CSMD3: variants seen among roughly 807,000 people sequenced by gnomAD.
CSMD3 encodes CUB and Sushi multiple domains 3.
CSMD3 carries 177 observed loss-of-function variants against 435.2 expected under a neutral mutation model. The observed-to-expected ratio is 0.41, with a 90% CI of 0.36 to 0.46. The LOEUF is 0.46. CSMD3 is among the 20% of genes least tolerant of loss of function. The pLI, the probability that CSMD3 is intolerant of heterozygous loss-of-function variation, is 0.34. For synonymous variants in CSMD3, 1,656 were observed against 1,520.5 expected, an observed-to-expected ratio of 1.09 and a Z score of -2.07; for missense variants, 4,265 against 4,504.6, an observed-to-expected ratio of 0.95 and a Z score of 1.52.
chr8:112,413,962 G>A (rs1811630012), intron 32 of CSMD3, among the ~76,000 whole-genome samples: 1 of 151,996 alleles, frequency 6.6e-6, no homozygotes, highest in Non-Finnish European at 1.5e-5. Context: ...CATCCCCCAG[G>A]TGATATCTGT....
Position 112,296,008 on chromosome 8 carries a change from T to C in CSMD3, c.8441-2A>G. 1 of 1,607,854 alleles carries C rather than the reference T, an allele frequency of 6.2e-7. No individual in the cohort carries two copies. The highest frequency in any genetic ancestry group is 8.5e-7 in the Non-Finnish European group (1 of 1,174,626). On this transcript the variant is annotated splice_acceptor_variant, in intron 53 of 70. Transcript: ENST00000297405. LOFTEE classifies it high-confidence loss of function. ...GTTCTGGAATTCCACAATGACCCGC[T>C]GAAATACGTTATAAAGTAATATTTT...
intron 23 of CSMD3, among the ~76,000 whole-genome samples, chr8:112,581,492 G>A (rs1166345038): frequency 6.6e-6 from 1 of 151,884 alleles, no homozygotes; most frequent in Non-Finnish European, 1.5e-5. Flanking sequence ...AAGTAACTAT[G>A]TTTTATAAAA....
At chr8:113,414,695 T>C (rs1280393995) in intron 1 of CSMD3, among the ~76,000 whole-genome samples, 1 of 145,860 alleles carries the variant, frequency 6.9e-6, no homozygotes, top group African/African-American at 2.5e-5. Context: ...GCACAGTGGC[T>C]CATGCCTGTA....
intron 3 of CSMD3, among the ~76,000 whole-genome samples, chr8:113,251,596 G>T (rs1261934809): frequency 6.6e-6 from 1 of 151,858 alleles, no homozygotes; most frequent in Admixed American, 6.6e-5. Flanking sequence ...TTGTTTAGCT[G>T]TAAGTTAAAA....
At chr8:112,727,640 A>T (rs1273247335) in intron 13 of CSMD3, among the ~76,000 whole-genome samples, 1 of 151,788 alleles carries the variant, frequency 6.6e-6, no homozygotes, top group African/African-American at 2.4e-5. Context: ...ATAAAATCAA[A>T]ACTTAATATT....
intron 61 of CSMD3, among the ~76,000 whole-genome samples, chr8:112,261,896 CT>C: frequency 6.6e-6 from 1 of 150,470 alleles, no homozygotes; most frequent in Non-Finnish European, 1.5e-5. Context: ...CTTGTATTGC[CT>C]TTTTTATTTT....
At chr8:112,386,575 G>A (rs1829977131) in intron 36 of CSMD3, among the ~76,000 whole-genome samples, 1 of 152,012 alleles carries the variant, frequency 6.6e-6, no homozygotes, top group Non-Finnish European at 1.5e-5. Flanking sequence ...TTAGCTCACT[G>A]CAACCTCTGC....
intron 1 of CSMD3, among the ~76,000 whole-genome samples, chr8:113,395,846 A>C: frequency 6.6e-6 from 1 of 152,250 alleles, no homozygotes; most frequent in African/African-American, 2.4e-5. Context: ...ACCTTAAATT[A>C]GTAATTATTT....
At chr8:112,830,870 T>C (rs2079850755) in intron 11 of CSMD3, among the ~76,000 whole-genome samples, 1 of 150,954 alleles carries the variant, frequency 6.6e-6, no homozygotes, top group Non-Finnish European at 1.5e-5. Flanking sequence ...CACTGCCAGC[T>C]CCGCCTCCTG....
intron 11 of CSMD3, among the ~76,000 whole-genome samples, chr8:112,851,109 A>G (rs1290223288): frequency 3.3e-5 from 5 of 152,142 alleles, no homozygotes; most frequent in Non-Finnish European, 7.3e-5. Context: ...ATGCTTAACA[A>G]CCAGCTTGTT....
At chr8:113,388,609 T>C (rs1320445861) in intron 1 of CSMD3, among the ~76,000 whole-genome samples, 1 of 151,538 alleles carries the variant, frequency 6.6e-6, no homozygotes, top group Non-Finnish European at 1.5e-5. Context: ...GTAGTTATAT[T>C]GAACTGAATA....
chr8:112,666,144 G>T, intron 17 of CSMD3, 133 bp downstream of exon 17: 1 of 757,680 alleles, frequency 1.3e-6, no homozygotes, highest in Non-Finnish European at 2.3e-6. Flanking sequence ...GGGGCAAACA[G>T]ATGGAAGCAT....
At chr8:112,958,746 A>G (rs943795287) in intron 7 of CSMD3, among the ~76,000 whole-genome samples, 1 of 152,174 alleles carries the variant, frequency 6.6e-6, no homozygotes, top group South Asian at 2.1e-4. Flanking sequence ...TGTTTCCAAT[A>G]TCAACTTTTT....
intron 32 of CSMD3, among the ~76,000 whole-genome samples, chr8:112,442,717 T>A (rs1324124159): frequency 6.6e-6 from 1 of 152,146 alleles, no homozygotes; most frequent in Non-Finnish European, 1.5e-5. Flanking sequence ...GACTCAGCTC[T>A]CATCAAAAAA....
chr8:112,686,486 A>ATTTT (rs763068444), intron 14 of CSMD3, among the ~76,000 whole-genome samples: 2 of 141,548 alleles, frequency 1.4e-5, no homozygotes, highest in Non-Finnish European at 1.5e-5. Flanking sequence ...TTTTCATTAC[A>ATTTT]TTTTTTTTTT....
At chr8:112,485,208 G>C (rs1030510138) in intron 31 of CSMD3, among the ~76,000 whole-genome samples, 1 of 152,018 alleles carries the variant, frequency 6.6e-6, no homozygotes, top group Non-Finnish European at 1.5e-5. Flanking sequence ...AATATGCTTT[G>C]GTTTTATCCC....
At chr8:112,233,075 A>T (rs1457243830) in intron 68 of CSMD3, among the ~76,000 whole-genome samples, 1 of 152,148 alleles carries the variant, frequency 6.6e-6, no homozygotes, top group Admixed American at 6.5e-5. Context: ...ACAATATTAT[A>T]TTTAAAAAAT....
At chr8:112,254,555 C>T (rs1247501689) in intron 62 of CSMD3, among the ~76,000 whole-genome samples, 1 of 151,924 alleles carries the variant, frequency 6.6e-6, no homozygotes, top group African/African-American at 2.4e-5. Flanking sequence ...AACTTTGAAC[C>T]CTTCCGATAT....
At chr8:113,356,156 A>T (rs777819512) in intron 1 of CSMD3, among the ~76,000 whole-genome samples, 6 of 152,068 alleles carry the variant, frequency 3.9e-5, no homozygotes, top group Non-Finnish European at 8.8e-5. Context: ...AAACTATAGA[A>T]CTATTCATGT....
Sources: gnomAD v4.1 joint callset for allele counts (sites outside exome capture counted in the v4.1 genomes callset) on GRCh38, gnomAD v4.1.1 for gene constraint, MANE v1.5 for transcripts, NCBI Gene and HGNC (gene_info 2026-07-23, HGNC 2026-07-21) for gene names.